The following TTI1 variants were observed in gnomAD, a reference collection of about 807,000 sequenced individuals.
TTI1 encodes TELO2-interacting protein 1 homolog.
In TTI1, 52 loss-of-function variants were observed where a neutral mutation model predicts 85.4. The ratio of observed to expected loss-of-function variants is 0.61; its 90% CI spans 0.49 to 0.77. The LOEUF is 0.77. Among genes scored for constraint, TTI1 ranks in the 30% least tolerant of loss-of-function variants. TTI1 has a pLI of 0.00. For synonymous variants in TTI1, 512 were observed against 503.9 expected, an observed-to-expected ratio of 1.02 and a Z score of -0.22; for missense variants, 1,173 against 1,296.0, an observed-to-expected ratio of 0.91 and a Z score of 1.46.
rs114033020 is a variant in TTI1 at position 37,994,084 on chromosome 20, T to C, written c.3086+2291A>G. Among the ~76,000 whole-genome samples, 843 of 152,278 alleles carry C rather than the reference T, an allele frequency of 5.5e-3. 7 individuals are homozygous for C. Among genetic ancestry groups the C allele is most frequent in the African/African-American group, 0.019 (792 of 41,564 alleles). On this transcript the variant is annotated intron_variant, in intron 7 of 7. Transcript: ENST00000373447. ...AATTAAGAACAAACAACAGGATGGA[T>C]GGCAGGGCCATGTGCTGAGATGGGA...
intron 3 of TTI1, among the ~76,000 whole-genome samples, chr20:38,005,666 C>T (rs2073485451): frequency 6.6e-6 from 1 of 151,844 alleles, no homozygotes; most frequent in Non-Finnish European, 1.5e-5. Flanking sequence ...TCCTGCACTG[C>T]CGAAGGAAAA....
At chr20:37,997,698 A>G (rs966206165) in intron 5 of TTI1, among the ~76,000 whole-genome samples, 1 of 152,214 alleles carries the variant, frequency 6.6e-6, no homozygotes, top group Non-Finnish European at 1.5e-5. Context: ...TTTGCAGAGA[A>G]CAAGGCTCTC....
chr20:38,026,659 C>T (rs2073839870), intron 1 of TTI1, among the ~76,000 whole-genome samples: 1 of 152,132 alleles, frequency 6.6e-6, no homozygotes, highest in African/African-American at 2.4e-5. Context: ...AGCCGACTTA[C>T]TGTAAAAGAA....
chr20:38,027,725 G>A (rs1243814610), intron 1 of TTI1, among the ~76,000 whole-genome samples: 6 of 152,168 alleles, frequency 3.9e-5, no homozygotes, highest in African/African-American at 7.2e-5. Flanking sequence ...AGGAGTTCAA[G>A]ACCAGGCTGG....
At chr20:37,989,362 G>A (rs958275023) in intron 7 of TTI1, among the ~76,000 whole-genome samples, 3 of 152,318 alleles carry the variant, frequency 2.0e-5, no homozygotes, top group Admixed American at 6.5e-5. Context: ...AGCAAATGAT[G>A]CTAACCATAC....
intron 2 of TTI1, among the ~76,000 whole-genome samples, chr20:38,010,349 T>C (rs879528604): frequency 2.0e-4 from 30 of 152,146 alleles, no homozygotes; most frequent in Non-Finnish European, 4.3e-4. Context: ...ATACTGGAAA[T>C]ATGCTCTTTA....
At chr20:38,021,859 T>A (rs2073775836) in intron 1 of TTI1, among the ~76,000 whole-genome samples, 1 of 152,188 alleles carries the variant, frequency 6.6e-6, no homozygotes, top group African/African-American at 2.4e-5. Flanking sequence ...TGGAACAATC[T>A]GTACAGGAGA....
chr20:38,021,071 C>T (rs1276604311), intron 1 of TTI1, among the ~76,000 whole-genome samples: 2 of 152,096 alleles, frequency 1.3e-5, no homozygotes, highest in African/African-American at 2.4e-5. Context: ...TACACAATCA[C>T]CCTAAAATGA....
chr20:38,011,339 C>G (rs1600635935), intron 2 of TTI1, among the ~76,000 whole-genome samples, 176 bp downstream of exon 2: 1 of 152,108 alleles, frequency 6.6e-6, no homozygotes, highest in African/African-American at 2.4e-5. Flanking sequence ...GTAGAGATTA[C>G]TGAAAGTATA....
At chr20:38,030,252 A>G (rs117752353) in intron 1 of TTI1, among the ~76,000 whole-genome samples, 6 of 147,618 alleles carry the variant, frequency 4.1e-5, no homozygotes, top group Non-Finnish European at 9.0e-5. Context: ...AGGAGGAAGG[A>G]GGGAGGGAGG....
At chr20:38,018,402 GGAA>G (rs1014564847) in intron 1 of TTI1, among the ~76,000 whole-genome samples, 1 of 152,072 alleles carries the variant, frequency 6.6e-6, no homozygotes, top group Non-Finnish European at 1.5e-5. Flanking sequence ...TTAATGATTT[GGAA>G]GATAGGTCAA....
At chr20:38,006,485 T>C in intron 2 of TTI1, 88 bp from the exon 3 acceptor site, 1 of 1,435,672 alleles carries the variant, frequency 7.0e-7, no homozygotes, top group Non-Finnish European at 9.6e-7. Flanking sequence ...TGCCCTGGCC[T>C]GCACAGCCCC....
chr20:38,031,492 G>A (rs1292894558), intron 1 of TTI1, among the ~76,000 whole-genome samples: 3 of 152,198 alleles, frequency 2.0e-5, no homozygotes, highest in Non-Finnish European at 4.4e-5. Context: ...AGAAGCATAA[G>A]TAAAAGACTA....
intron 3 of TTI1, among the ~76,000 whole-genome samples, chr20:38,003,509 T>A (rs926387619): frequency 3.9e-5 from 6 of 152,124 alleles, no homozygotes; most frequent in Non-Finnish European, 8.8e-5. Context: ...AACAAGATAT[T>A]TGGGAGGTTG....
chr20:38,029,910 G>A (rs1281202340), intron 1 of TTI1, among the ~76,000 whole-genome samples: 1 of 152,096 alleles, frequency 6.6e-6, no homozygotes, highest in Admixed American at 6.6e-5. Flanking sequence ...GTCCCCACCA[G>A]CAAGAAAGTT....
intron 1 of TTI1, among the ~76,000 whole-genome samples, chr20:38,029,440 T>C (rs1376613823): frequency 3.3e-5 from 5 of 151,346 alleles, no homozygotes; most frequent in Non-Finnish European, 1.5e-5. Flanking sequence ...GAAGAAATAA[T>C]AAGGAGCAGA....
chr20:38,004,484 T>TG (rs1276646509), intron 3 of TTI1, among the ~76,000 whole-genome samples: 1 of 152,236 alleles, frequency 6.6e-6, no homozygotes, highest in African/African-American at 2.4e-5. Flanking sequence ...TTGGATTTCT[T>TG]GGAGAAAGGG....
intron 1 of TTI1, among the ~76,000 whole-genome samples, chr20:38,030,932 A>G (rs1185839737): frequency 6.6e-6 from 1 of 152,220 alleles, no homozygotes; most frequent in Non-Finnish European, 1.5e-5. Context: ...AGTAAATGGA[A>G]GCGCTATTCT....
At chr20:37,986,583 G>A (rs1221491704) in intron 7 of TTI1, among the ~76,000 whole-genome samples, 1 of 152,202 alleles carries the variant, frequency 6.6e-6, no homozygotes, top group African/African-American at 2.4e-5. Flanking sequence ...TCCCACCTCT[G>A]TGGCTTAGAG....
Sources: allele counts gnomAD v4.1 joint callset (sites outside exome capture counted in the v4.1 genomes callset), GRCh38; gene constraint gnomAD v4.1.1; transcripts MANE v1.5; gene names NCBI Gene and HGNC (gene_info 2026-07-23, HGNC 2026-07-21).